Variants in DRC9 observed in about 807,000 individuals in gnomAD.
The protein encoded by DRC9 is dynein regulatory complex subunit 9.
chr3:197,940,549 G>A, the DRC9 span, among the ~76,000 whole-genome samples: 1 of 151,956 alleles, frequency 6.6e-6, no homozygotes, highest in Non-Finnish European at 1.5e-5. Flanking sequence ...CATAAAAACG[G>A]CTTTAAAAGA....
the DRC9 span, chr3:197,953,624 C>T: frequency 4.4e-6 from 2 of 457,180 alleles, no homozygotes; most frequent in South Asian, 3.1e-5. Flanking sequence ...TCCATGGTCA[C>T]CTCAGTGAGA....
At chr3:197,951,429 C>A in the DRC9 span, 6 of 1,106,964 alleles carry the variant, frequency 5.4e-6, no homozygotes, top group Non-Finnish European at 8.2e-6. Flanking sequence ...TCTCCCTCAC[C>A]GAAACCTCCG....
chr3:197,954,649 ACAGGCGTAT>A, the DRC9 span, among the ~76,000 whole-genome samples: 1 of 152,164 alleles, frequency 6.6e-6, no homozygotes, highest in Non-Finnish European at 1.5e-5. Context: ...AGCTGGAATT[ACAGGCGTAT>A]ATACCACCAT....
At chr3:197,893,171 A>T in the DRC9 span, among the ~76,000 whole-genome samples, 1 of 151,860 alleles carries the variant, frequency 6.6e-6, no homozygotes, top group Non-Finnish European at 1.5e-5. Context: ...CAGTCTGACC[A>T]ACGTGGAGAA....
chr3:197,907,901 C>G, the DRC9 span, among the ~76,000 whole-genome samples: 1 of 148,894 alleles, frequency 6.7e-6, no homozygotes, highest in South Asian at 2.1e-4. Context: ...TGTACCACGT[C>G]TGAAGAGTGA....
chr3:197,950,131 A>T, the DRC9 span: 1 of 1,231,772 alleles, frequency 8.1e-7, no homozygotes, highest in Non-Finnish European at 1.0e-6. Context: ...AAGATGCCTA[A>T]ATTGAGGGCG....
At chr3:197,953,844 C>G in the DRC9 span, 85 of 716,502 alleles carry the variant, frequency 1.2e-4, no homozygotes, top group Non-Finnish European at 1.4e-4. Flanking sequence ...AATAGTTACT[C>G]GATAAGTATC....
At chr3:197,944,509 C>T in the DRC9 span, among the ~76,000 whole-genome samples, 12 of 151,650 alleles carry the variant, frequency 7.9e-5, no homozygotes, top group Non-Finnish European at 1.6e-4. Flanking sequence ...AGTGCAGTAG[C>T]GCGATCTTGG....
the DRC9 span, among the ~76,000 whole-genome samples, chr3:197,904,110 A>T: frequency 0.35 from 28,504 of 80,470 alleles, 3,731 homozygotes; most frequent in East Asian, 0.52. Context: ...ATATATATAT[A>T]TTTTTTTTTT....
At chr3:197,898,982 A>C in the DRC9 span, among the ~76,000 whole-genome samples, 4 of 152,218 alleles carry the variant, frequency 2.6e-5, no homozygotes, top group African/African-American at 4.8e-5. Context: ...TACAGAAATA[A>C]AGGACTTTTT....
chr3:197,908,838 G>C, the DRC9 span, among the ~76,000 whole-genome samples: 2 of 150,108 alleles, frequency 1.3e-5, no homozygotes, highest in East Asian at 4.0e-4. Context: ...AGTTATCACA[G>C]GGGTGACTGT....
the DRC9 span, chr3:197,954,437 A>G: frequency 1.3e-5 from 6 of 445,122 alleles, no homozygotes; most frequent in Non-Finnish European, 2.5e-5. Context: ...GGGTTCAAGC[A>G]ATCCTTCCAC....
At chr3:197,907,728 T>C in the DRC9 span, among the ~76,000 whole-genome samples, 10 of 151,518 alleles carry the variant, frequency 6.6e-5, no homozygotes, top group South Asian at 2.1e-4. Context: ...TTCCAAGGCA[T>C]CCTCCCAGAT....
At chr3:197,953,990 T>C in the DRC9 span, 2 of 1,612,030 alleles carry the variant, frequency 1.2e-6, no homozygotes, top group Non-Finnish European at 1.7e-6. Flanking sequence ...CTTCTTTCCC[T>C]TTTTAAAATC....
the DRC9 span, among the ~76,000 whole-genome samples, chr3:197,910,332 T>C: frequency 1.3e-5 from 2 of 152,142 alleles, no homozygotes; most frequent in Non-Finnish European, 2.9e-5. Context: ...TATATACTTA[T>C]GTATTGCTTG....
the DRC9 span, chr3:197,955,753 C>T: frequency 3.1e-6 from 5 of 1,605,130 alleles, no homozygotes; most frequent in South Asian, 2.2e-5. Context: ...CCTGCAGATG[C>T]TGTACCCCTC....
chr3:197,917,357 T>C, the DRC9 span, among the ~76,000 whole-genome samples: 1 of 152,194 alleles, frequency 6.6e-6, no homozygotes, highest in African/African-American at 2.4e-5. Context: ...ATTCTTCAAG[T>C]TATTTTGTCT....
the DRC9 span, chr3:197,925,991 G>C: frequency 1.9e-6 from 2 of 1,074,966 alleles, no homozygotes; most frequent in Non-Finnish European, 2.9e-6. Context: ...GTGTTAGCTC[G>C]GTCACTTTTG....
the DRC9 span, among the ~76,000 whole-genome samples, chr3:197,937,603 C>T: frequency 1.0e-3 from 153 of 151,874 alleles, no homozygotes; most frequent in African/African-American, 3.4e-3. Context: ...TAGCTGGTGC[C>T]GAGGCACCTG....
Sources: gnomAD v4.1 joint callset for allele counts (sites outside exome capture counted in the v4.1 genomes callset) on GRCh38, gnomAD v4.1.1 for gene constraint, MANE v1.5 for transcripts, NCBI Gene and HGNC (gene_info 2026-07-23, HGNC 2026-07-21) for gene names.